CPNE4: variants seen among roughly 807,000 people sequenced by gnomAD.
CPNE4 encodes copine 4, also known as copine-4.
In CPNE4, 25 loss-of-function variants were observed where a neutral mutation model predicts 67.9. That is an observed-to-expected ratio of 0.37 (90% CI 0.27 to 0.51). CPNE4 has a LOEUF of 0.51. Among genes scored for constraint, CPNE4 ranks in the 20% least tolerant of loss-of-function variants. The pLI is 0.93. For missense variants in CPNE4, 464 were observed against 690.8 expected (o/e 0.67, Z 3.68); for synonymous variants, 242 against 244.9 (o/e 0.99, Z 0.11).
intron 7 of CPNE4, among the ~76,000 whole-genome samples, chr3:131,664,007 T>G (rs751839066): frequency 6.6e-6 from 1 of 152,200 alleles, no homozygotes; most frequent in Non-Finnish European, 1.5e-5. Context: ...GTTTTCCCCT[T>G]CAAGGCAAAT....
chr3:131,884,912 T>A (rs2087820060), intron 2 of CPNE4, among the ~76,000 whole-genome samples: 1 of 152,188 alleles, frequency 6.6e-6, no homozygotes, highest in South Asian at 2.1e-4. Context: ...CTTTTGTAAA[T>A]TGCCCAGTCT....
intron 6 of CPNE4, among the ~76,000 whole-genome samples, chr3:131,680,916 T>C (rs980452671): frequency 6.6e-6 from 1 of 152,200 alleles, no homozygotes; most frequent in Non-Finnish European, 1.5e-5. Context: ...GAACATATAA[T>C]ATTTGGTTTT....
chr3:131,819,491 T>TACACACACACACAC lies in CPNE4; in HGVS notation c.180+85759_180+85772dup, dbSNP rs5852655. On this transcript the variant is annotated intron_variant, in intron 2 of 15. Transcript: ENST00000429747. ...CCACATTCACACAGACACACACAGA[T>TACACACACACACAC]ACACACACACACACACACACACACA... Among the ~76,000 whole-genome samples the TACACACACACACAC allele has an allele frequency of 4.4e-4, 65 of 146,276 alleles. 1 individual carries two copies. The East Asian group carries it at 5.5e-3, about 12-fold the overall frequency.
intron 2 of CPNE4, among the ~76,000 whole-genome samples, chr3:131,903,604 T>A (rs2088633495): frequency 3.3e-5 from 5 of 152,130 alleles, no homozygotes; most frequent in Admixed American, 3.3e-4. Context: ...ATGTATGGGT[T>A]TAAATATTAG....
At chr3:131,875,441 A>T (rs2087401114) in intron 2 of CPNE4, among the ~76,000 whole-genome samples, 1 of 152,204 alleles carries the variant, frequency 6.6e-6, no homozygotes, top group Non-Finnish European at 1.5e-5. Context: ...CAAATGTCCA[A>T]CAATGATAGA....
chr3:131,685,319 T>G (rs1210716452), intron 6 of CPNE4, among the ~76,000 whole-genome samples: 1 of 151,840 alleles, frequency 6.6e-6, no homozygotes, highest in Non-Finnish European at 1.5e-5. Context: ...TTATTATGAA[T>G]AAGTTGCTAA....
At chr3:131,669,020 G>A (rs1241012850) in intron 7 of CPNE4, among the ~76,000 whole-genome samples, 4 of 152,162 alleles carry the variant, frequency 2.6e-5, no homozygotes, top group Middle Eastern at 3.4e-3. Context: ...TGTGAGTTCT[G>A]AGCCTAGGCC....
intron 3 of CPNE4, among the ~76,000 whole-genome samples, chr3:131,701,979 G>C (rs779800788): frequency 6.6e-6 from 1 of 152,174 alleles, no homozygotes; most frequent in Non-Finnish European, 1.5e-5. Flanking sequence ...TGAAAGGCCA[G>C]GAGGTAAACT....
At chr3:132,000,780 A>G (rs982918577) in intron 1 of CPNE4, among the ~76,000 whole-genome samples, 57 of 151,794 alleles carry the variant, frequency 3.8e-4, no homozygotes, top group African/African-American at 1.3e-3. Context: ...CAAAAAATGA[A>G]TAATACAATG....
intron 2 of CPNE4, among the ~76,000 whole-genome samples, chr3:131,816,018 G>A (rs781717829): frequency 1.2e-4 from 19 of 152,172 alleles, no homozygotes; most frequent in Non-Finnish European, 2.4e-4. Context: ...CCCATAGTTA[G>A]CTTGGCCTAT....
chr3:131,790,180 C>T (rs1481751772), intron 2 of CPNE4, among the ~76,000 whole-genome samples: 1 of 152,150 alleles, frequency 6.6e-6, no homozygotes, highest in Non-Finnish European at 1.5e-5. Flanking sequence ...GGTCCTGTCT[C>T]CTTTTCCTGC....
intron 1 of CPNE4, among the ~76,000 whole-genome samples, chr3:132,010,053 C>T (rs144624514): frequency 9.5e-4 from 144 of 152,332 alleles, no homozygotes; most frequent in Middle Eastern, 6.8e-3. Context: ...TAGCCACATT[C>T]AAGGTAGTAT....
chr3:131,557,776 T>A (rs1218434050), intron 11 of CPNE4, among the ~76,000 whole-genome samples: 3 of 151,992 alleles, frequency 2.0e-5, no homozygotes, highest in Non-Finnish European at 4.4e-5. Context: ...CAATTCCTCC[T>A]TAAACAAAAC....
At chr3:131,896,439 G>C (rs1170659811) in intron 2 of CPNE4, among the ~76,000 whole-genome samples, 1 of 152,030 alleles carries the variant, frequency 6.6e-6, no homozygotes, top group Non-Finnish European at 1.5e-5. Flanking sequence ...GGAGATTTAA[G>C]TAACACAAAA....
rs1412706673 is a variant in CPNE4 at position 131,623,065 on chromosome 3, AGGAGGGGCCAGGTATTTAATT to A, written c.682-35504_682-35484del. Among the ~76,000 whole-genome samples, 20 of 152,304 alleles carry A rather than the reference AGGAGGGGCCAGGTATTTAATT, an allele frequency of 1.3e-4. 1 individual carries two copies. In the East Asian group the frequency reaches 1.7e-3, roughly 13 times the overall value. ...TAGAGGACGGTAAGTACAAGGACAG[AGGAGGGGCCAGGTATTTAATT>A]GGAGACTACAAAGAGTTAATATGAT... On this transcript the variant is annotated intron_variant, in intron 7 of 15. Coordinates refer to ENST00000429747, the MANE Select transcript of CPNE4 (RefSeq NM_130808.3).
At chr3:131,810,167 C>T (rs540623273) in intron 2 of CPNE4, among the ~76,000 whole-genome samples, 2 of 152,098 alleles carry the variant, frequency 1.3e-5, no homozygotes, top group Non-Finnish European at 2.9e-5. Flanking sequence ...TTAGATATGA[C>T]ACTAAAAGCA....
chr3:131,824,450 T>C (rs996730962), intron 2 of CPNE4, among the ~76,000 whole-genome samples: 4 of 152,120 alleles, frequency 2.6e-5, no homozygotes, highest in African/African-American at 9.7e-5. Context: ...CCTTTGAAAA[T>C]ACAACATGAT....
intron 8 of CPNE4, among the ~76,000 whole-genome samples, chr3:131,586,295 C>A (rs1033174002): frequency 6.6e-6 from 1 of 152,068 alleles, no homozygotes; most frequent in East Asian, 1.9e-4. Flanking sequence ...AAATTTGAGG[C>A]AAGAATATAA....
intron 7 of CPNE4, among the ~76,000 whole-genome samples, chr3:131,664,882 A>C (rs536114001): frequency 3.9e-5 from 6 of 152,296 alleles, no homozygotes; most frequent in Non-Finnish European, 5.9e-5. Context: ...TAGTAGTGTA[A>C]TGCCTTTATG....
Sources: gnomAD v4.1 joint callset for allele counts (sites outside exome capture counted in the v4.1 genomes callset) on GRCh38, gnomAD v4.1.1 for gene constraint, MANE v1.5 for transcripts, NCBI Gene and HGNC (gene_info 2026-07-23, HGNC 2026-07-21) for gene names.